TRABD2B: variants seen among roughly 807,000 people sequenced by gnomAD.
TRABD2B encodes the protein TraB domain containing 2B, also known as metalloprotease TIKI2.
In TRABD2B, 14 loss-of-function variants were observed where a neutral mutation model predicts 40.1. The ratio of observed to expected loss-of-function variants is 0.35; its 90% CI spans 0.23 to 0.55. The LOEUF (loss-of-function observed/expected upper bound fraction) is 0.55, where lower values mean the gene tolerates loss of function less well. Ranked by LOEUF, TRABD2B falls within the 20% of genes least tolerant of loss-of-function variation. The probability of loss-of-function intolerance (pLI) is 0.90; values close to 1 mark genes in which losing one functional copy is unlikely to be tolerated. For missense variants in TRABD2B, 541 were observed against 648.6 expected (o/e 0.83, Z 1.80); for synonymous variants, 263 against 277.0 (o/e 0.95, Z 0.50).
At chr1:47,793,225 G>A (rs1301526143) in intron 4 of TRABD2B, among the ~76,000 whole-genome samples, 1 of 152,176 alleles carries the variant, frequency 6.6e-6, no homozygotes, top group African/African-American at 2.4e-5. Context: ...GTAAACTGAG[G>A]CTACAAGAGG....
chr1:47,917,942 C>G (rs901425781), intron 2 of TRABD2B, among the ~76,000 whole-genome samples: 1 of 152,184 alleles, frequency 6.6e-6, no homozygotes, highest in African/African-American at 2.4e-5. Flanking sequence ...CATTACAAAG[C>G]CTCTTAACAT....
rs1430973479 is a variant in TRABD2B, at chr1:47,765,967, G to A, written c.1489C>T (p.Leu497Phe). The change falls in exon 7 of 7, where the codon CTT (leucine) becomes TTT (phenylalanine). Residue 497 changes from leucine (L) to phenylalanine (F), a missense_variant. Physicochemically the swap from Leu to Phe is conservative, Grantham distance 22. This residue lies in a region of TRABD2B where 172 missense variants were observed against 155.8 expected (regional missense o/e 1.10). Transcript: ENST00000606738. The part of the protein sequence containing the change: ...PASSSAPTLG[L>F]LPAIATTIAV... The stretch of plus-strand genomic sequence containing the variant: ...ATGGTGGTGGCGATGGCGGGGAGAA[G>A]GCCCAGGGTGGGTGCCGAGCTGCTG... The A allele has an allele frequency of 1.4e-6, 1 of 702,714 alleles. No individual in the cohort carries two copies. 43.5% of individuals were successfully genotyped at this position (702,714 alleles called of 1,614,324 possible).
chr1:47,949,319 C>A (rs1286409161), intron 2 of TRABD2B, among the ~76,000 whole-genome samples: 1 of 151,878 alleles, frequency 6.6e-6, no homozygotes, highest in Non-Finnish European at 1.5e-5. Context: ...GACTCTGAAG[C>A]CTGTGAAGCC....
intron 3 of TRABD2B, among the ~76,000 whole-genome samples, chr1:47,798,033 C>T (rs562584609): frequency 3.9e-5 from 6 of 152,242 alleles, no homozygotes; most frequent in Admixed American, 3.9e-4. Context: ...CAACAGACAC[C>T]CTGTGGGAAA....
chr1:47,782,437 A>AG (rs1435701307), intron 4 of TRABD2B, among the ~76,000 whole-genome samples: 1 of 152,146 alleles, frequency 6.6e-6, no homozygotes, highest in African/African-American at 2.4e-5. Context: ...AACCCACCTG[A>AG]GGGGGATCTA....
intron 2 of TRABD2B, among the ~76,000 whole-genome samples, chr1:47,906,373 T>G (rs549468833): frequency 1.3e-5 from 2 of 152,360 alleles, no homozygotes; most frequent in South Asian, 4.1e-4. Flanking sequence ...AAGAACTTGC[T>G]AAAGGTCAAC....
intron 2 of TRABD2B, among the ~76,000 whole-genome samples, chr1:47,991,207 T>C (rs1016585417): frequency 4.6e-5 from 7 of 152,098 alleles, no homozygotes; most frequent in Admixed American, 3.9e-4. Flanking sequence ...GGGCAAGTCA[T>C]TCAACATTTC....
At chr1:47,802,134 C>T (rs927960731) in intron 2 of TRABD2B, among the ~76,000 whole-genome samples, 1 of 152,184 alleles carries the variant, frequency 6.6e-6, no homozygotes. Flanking sequence ...TGAACATCTG[C>T]TCTATCCTTG....
intron 3 of TRABD2B, among the ~76,000 whole-genome samples, chr1:47,797,243 G>A (rs979291212): frequency 6.6e-6 from 1 of 152,202 alleles, no homozygotes; most frequent in Admixed American, 6.5e-5. Context: ...ATGTGTTTTG[G>A]AAAGTGCTTA....
chr1:47,944,900 A>G (rs533592227), intron 2 of TRABD2B, among the ~76,000 whole-genome samples: 1 of 152,304 alleles, frequency 6.6e-6, no homozygotes, highest in African/African-American at 2.4e-5. Flanking sequence ...GGTTGAGAAC[A>G]AACACTCATT....
Position 47,977,085 on chromosome 1 carries a change from T to C in TRABD2B, c.666+16949A>G, listed in dbSNP as rs867717732. On this transcript the variant is annotated intron_variant, in intron 2 of 6. Coordinates refer to ENST00000606738, the MANE Select transcript of TRABD2B (RefSeq NM_001194986.2). ...GTTTAGTCCTTTTTTTTTTTTTTTT[T>C]CCCGCGAGACAGAGTCTTGCTCTGT... is the stretch of plus-strand genomic sequence containing the variant. 6.6e-3 allele frequency among the ~76,000 whole-genome samples: 994 copies of C among 149,852 alleles called. 12 individuals carry two copies. The highest frequency in any genetic ancestry group is 0.022 in the African/African-American group (896 of 40,614).
intron 2 of TRABD2B, among the ~76,000 whole-genome samples, chr1:47,817,692 G>A (rs1645052634): frequency 6.6e-6 from 1 of 152,172 alleles, no homozygotes; most frequent in Non-Finnish European, 1.5e-5. Flanking sequence ...ACTGATATCT[G>A]CTCCTCTAGG....
intron 2 of TRABD2B, among the ~76,000 whole-genome samples, chr1:47,846,964 T>G (rs551826011): frequency 6.6e-6 from 1 of 151,376 alleles, no homozygotes; most frequent in African/African-American, 2.4e-5. Flanking sequence ...CTGCGGGAGA[T>G]AGGAGTGTCC....
At chr1:47,959,725 C>T (rs533327322) in intron 2 of TRABD2B, among the ~76,000 whole-genome samples, 1 of 152,088 alleles carries the variant, frequency 6.6e-6, no homozygotes, top group Non-Finnish European at 1.5e-5. Flanking sequence ...AATTAATAGC[C>T]TACCAACCAA....
intron 2 of TRABD2B, among the ~76,000 whole-genome samples, chr1:47,919,104 A>G (rs1469948659): frequency 6.6e-6 from 1 of 152,200 alleles, no homozygotes; most frequent in African/African-American, 2.4e-5. Flanking sequence ...CATCTGCTTT[A>G]TTATAGGTCT....
At chr1:47,775,510 C>T (rs1644433704) in intron 5 of TRABD2B, 71 bp from the exon 6 acceptor site, 1 of 1,219,994 alleles carries the variant, frequency 8.2e-7, no homozygotes, top group African/African-American at 1.6e-5. Context: ...GGAATACAGT[C>T]CAATTCAGTG....
Position 47,994,641 on chromosome 1 carries a change from C to A in TRABD2B, c.103-44G>T. ...GGCAAGGCAGTGAGGCCGAAGGCAACAGAGTAGAGTCAGGGTAGCCCAGAG... is the reference window on the plus strand; with the variant it reads ...GGCAAGGCAGTGAGGCCGAAGGCAAAAGAGTAGAGTCAGGGTAGCCCAGAG... On this transcript the variant is annotated intron_variant, in intron 1 of 6. Coordinates refer to ENST00000606738, the MANE Select transcript of TRABD2B (RefSeq NM_001194986.2). The surrounding 1 kb of genome is among the most constrained non-coding windows in gnomAD (Gnocchi z 6.7). 6.7e-7 allele frequency: 1 copy of A among 1,500,634 alleles called. No homozygotes were observed. Among genetic ancestry groups the A allele is most frequent in the South Asian group, 1.3e-5 (1 of 78,032 alleles). 93.0% of individuals were successfully genotyped at this position (1,500,634 alleles called of 1,614,324 possible).
At chr1:47,995,886 C>A (rs1345669736) in intron 1 of TRABD2B, among the ~76,000 whole-genome samples, 2 of 152,236 alleles carry the variant, frequency 1.3e-5, no homozygotes, top group Non-Finnish European at 2.9e-5. Flanking sequence ...TCAGCGAATT[C>A]CGGGCTAACA....
intron 2 of TRABD2B, among the ~76,000 whole-genome samples, chr1:47,954,570 TGA>T (rs991919472): frequency 6.6e-6 from 1 of 152,144 alleles, no homozygotes; most frequent in East Asian, 1.9e-4. Flanking sequence ...CAGGAACTGC[TGA>T]GAGTTTTCAA....
Sources: gnomAD v4.1 joint callset for allele counts (sites outside exome capture counted in the v4.1 genomes callset) on GRCh38, gnomAD v4.1.1 for gene constraint, gnomAD v4.1.1 regional missense constraint, Gnocchi (gnomAD v3.1) non-coding constraint, MANE v1.5 for transcripts, NCBI Gene and HGNC (gene_info 2026-07-23, HGNC 2026-07-21) for gene names.